Variants in SPMIP5 observed in about 807,000 individuals in gnomAD.
The protein encoded by SPMIP5 is sperm-associated microtubule inner protein 5.
At chr10:116,668,161 T>G in the SPMIP5 span, 1 of 1,219,548 alleles carries the variant, frequency 8.2e-7, no homozygotes, top group South Asian at 1.2e-5. Context: ...ACTGGTCCAG[T>G]TGGCTGCACA....
chr10:116,664,306 C>T, the SPMIP5 span: 1 of 1,425,532 alleles, frequency 7.0e-7, no homozygotes, highest in Non-Finnish European at 9.6e-7. Flanking sequence ...AGTTATGGAC[C>T]TTTTATTAAG....
At chr10:116,669,730 T>C in the SPMIP5 span, among the ~76,000 whole-genome samples, 1 of 151,548 alleles carries the variant, frequency 6.6e-6, no homozygotes, top group Non-Finnish European at 1.5e-5. Flanking sequence ...TGAAAGGGGG[T>C]GCGAACAGAT....
the SPMIP5 span, chr10:116,663,847 A>G: frequency 6.8e-7 from 1 of 1,465,746 alleles, no homozygotes; most frequent in South Asian, 1.4e-5. Flanking sequence ...TTCCAACATG[A>G]GAATGGCAGG....
chr10:116,664,066 G>A, the SPMIP5 span: 57 of 1,607,192 alleles, frequency 3.5e-5, no homozygotes, highest in Admixed American at 1.5e-4. Flanking sequence ...GAGAGGAACC[G>A]TCCGTGTGAG....
chr10:116,663,751 T>C, the SPMIP5 span: 1 of 793,710 alleles, frequency 1.3e-6, no homozygotes, highest in Non-Finnish European at 1.9e-6. Flanking sequence ...TTATCATTAA[T>C]GACATGCAAC....
the SPMIP5 span, among the ~76,000 whole-genome samples, chr10:116,668,546 G>C: frequency 2.0e-5 from 3 of 151,946 alleles, no homozygotes; most frequent in Non-Finnish European, 4.4e-5. Flanking sequence ...TGTTAACTTG[G>C]ATAACAGTGT....
chr10:116,665,707 C>A, the SPMIP5 span: 65 of 1,614,054 alleles, frequency 4.0e-5, no homozygotes, highest in Non-Finnish European at 5.1e-5. Context: ...GTGGCCACTG[C>A]GCAGCACAAT....
the SPMIP5 span, chr10:116,665,619 G>A: frequency 5.8e-5 from 93 of 1,613,092 alleles, no homozygotes; most frequent in Non-Finnish European, 7.5e-5. Flanking sequence ...CAGGATCAGG[G>A]GGTGGTACTG....
the SPMIP5 span, chr10:116,664,780 G>A: frequency 3.1e-6 from 5 of 1,613,970 alleles, no homozygotes; most frequent in Non-Finnish European, 4.2e-6. Context: ...GGTTTCAGAT[G>A]TGCCTTCTTG....
chr10:116,668,397 G>T, the SPMIP5 span: 1 of 1,202,020 alleles, frequency 8.3e-7, no homozygotes, highest in Non-Finnish European at 1.2e-6. Context: ...TATTGAGTGT[G>T]CACAAGCTCT....
the SPMIP5 span, chr10:116,663,854 C>T: frequency 1.4e-6 from 2 of 1,473,044 alleles, no homozygotes; most frequent in Non-Finnish European, 1.8e-6. Context: ...ATGAGAATGG[C>T]AGGTTTTGGA....
chr10:116,668,182 G>T, the SPMIP5 span: 1 of 1,405,724 alleles, frequency 7.1e-7, no homozygotes, highest in Non-Finnish European at 1.0e-6. Flanking sequence ...GACACAGACA[G>T]TGGGTCAAGG....
the SPMIP5 span, chr10:116,665,340 G>C: frequency 2.7e-6 from 1 of 368,898 alleles, no homozygotes; most frequent in Non-Finnish European, 4.7e-6. Context: ...AGGAGGCAGA[G>C]GTTGCAGTGA....
the SPMIP5 span, among the ~76,000 whole-genome samples, chr10:116,662,964 C>G: frequency 9.6e-4 from 146 of 152,076 alleles, 3 homozygotes; most frequent in South Asian, 0.03. Flanking sequence ...AGGCGGATCA[C>G]GAGGTCAGGA....
the SPMIP5 span, among the ~76,000 whole-genome samples, chr10:116,663,451 A>C: frequency 1.3e-5 from 2 of 152,102 alleles, no homozygotes; most frequent in Non-Finnish European, 2.9e-5. Flanking sequence ...CTATCACACC[A>C]ATATAGCTGG....
the SPMIP5 span, among the ~76,000 whole-genome samples, chr10:116,666,770 A>G: frequency 6.6e-6 from 1 of 152,198 alleles, no homozygotes; most frequent in Non-Finnish European, 1.5e-5. Flanking sequence ...GGGCTTTGCC[A>G]CAGTGGTTTC....
the SPMIP5 span, chr10:116,668,215 G>C: frequency 6.3e-7 from 1 of 1,582,708 alleles, no homozygotes; most frequent in Non-Finnish European, 8.7e-7. Context: ...CCAGGACCCG[G>C]GTTCCCCTGC....
chr10:116,666,001 TG>T, the SPMIP5 span, among the ~76,000 whole-genome samples: 1 of 152,172 alleles, frequency 6.6e-6, no homozygotes, highest in Non-Finnish European at 1.5e-5. Flanking sequence ...CCACTGCGGC[TG>T]GGCCCTCCCA....
the SPMIP5 span, among the ~76,000 whole-genome samples, chr10:116,668,933 G>GCGCACA: frequency 7.4e-6 from 1 of 135,282 alleles, no homozygotes; most frequent in Non-Finnish European, 1.5e-5. Context: ...GCACACACAT[G>GCGCACA]CACACACACA....
Sources: allele counts gnomAD v4.1 joint callset (sites outside exome capture counted in the v4.1 genomes callset), GRCh38; gene constraint gnomAD v4.1.1; transcripts MANE v1.5; gene names NCBI Gene and HGNC (gene_info 2026-07-23, HGNC 2026-07-21).